Variants in DLC1 observed in about 807,000 individuals in gnomAD.
The protein encoded by DLC1 is DLC1 Rho GTPase activating protein, also known as rho GTPase-activating protein 7.
DLC1 carries 54 observed loss-of-function variants against 140.3 expected under a neutral mutation model. That is an observed-to-expected ratio of 0.38 (90% CI 0.31 to 0.48). DLC1 has a LOEUF of 0.48. Among genes scored for constraint, DLC1 ranks in the 20% least tolerant of loss-of-function variants. The probability of loss-of-function intolerance (pLI) is 0.96; values close to 1 mark genes in which losing one functional copy is unlikely to be tolerated. For missense variants in DLC1, 2,536 were observed against 1,907.0 expected, an observed-to-expected ratio of 1.33 and a Z score of -6.14; for synonymous variants, 986 against 728.1, an observed-to-expected ratio of 1.35 and a Z score of -5.70.
At chr8:13,328,541 G>A (rs145427418) in intron 4 of DLC1, among the ~76,000 whole-genome samples, 4 of 152,276 alleles carry the variant, frequency 2.6e-5, no homozygotes, top group Admixed American at 1.3e-4. Context: ...ATTTGTTTTT[G>A]GAGAAGCTCA....
intron 2 of DLC1, among the ~76,000 whole-genome samples, chr8:13,420,362 A>G (rs79574881): frequency 0.026 from 3,979 of 152,194 alleles, 80 homozygotes; most frequent in South Asian, 0.074. Flanking sequence ...ACGCTACAGT[A>G]ATTAAGTTCA....
chr8:13,549,756 C>A (rs186002510), intron 1 of DLC1, among the ~76,000 whole-genome samples: 16 of 152,076 alleles, frequency 1.1e-4, no homozygotes, highest in Non-Finnish European at 8.8e-5. Context: ...GGTGTTACTG[C>A]CAAAAAAGAC....
chr8:13,379,639 T>C (rs1212991173), intron 4 of DLC1, among the ~76,000 whole-genome samples: 1 of 152,154 alleles, frequency 6.6e-6, no homozygotes, highest in Admixed American at 6.5e-5. Flanking sequence ...AATCCATCCT[T>C]ATTTTATTTT....
chr8:13,165,960 A>G (rs1481874029), intron 5 of DLC1, among the ~76,000 whole-genome samples: 2 of 152,268 alleles, frequency 1.3e-5, no homozygotes, highest in East Asian at 1.9e-4. Flanking sequence ...TCCTAGGGGT[A>G]CAGTAGTCGA....
At chr8:13,102,731 A>G (rs1411509833) in intron 8 of DLC1, 59 bp downstream of exon 8, 9 of 1,436,968 alleles carry the variant, frequency 6.3e-6, no homozygotes, top group Non-Finnish European at 2.0e-6. Flanking sequence ...AAAACACATC[A>G]TTCACTTTTT....
At chr8:13,572,911 T>C (rs375321009) in intron 1 of DLC1, among the ~76,000 whole-genome samples, 4 of 152,208 alleles carry the variant, frequency 2.6e-5, no homozygotes, top group East Asian at 1.9e-4. Context: ...TCATGAAACA[T>C]GGAATCTCTA....
intron 4 of DLC1, among the ~76,000 whole-genome samples, chr8:13,332,405 A>G (rs1297137879): frequency 1.3e-5 from 2 of 150,544 alleles, no homozygotes; most frequent in South Asian, 2.1e-4. Context: ...GAAACACTGA[A>G]TGTTCACTAT....
intron 5 of DLC1, among the ~76,000 whole-genome samples, chr8:13,279,999 G>A (rs1831309122): frequency 6.6e-6 from 1 of 151,968 alleles, no homozygotes; most frequent in African/African-American, 2.4e-5. Context: ...GTGAGAATAG[G>A]CTGGGTGCGG....
At chr8:13,593,523 G>C (rs1805588242) in intron 1 of DLC1, among the ~76,000 whole-genome samples, 1 of 152,074 alleles carries the variant, frequency 6.6e-6, no homozygotes, top group Admixed American at 6.6e-5. Context: ...GCCAGTTCTA[G>C]GTAACCTGGA....
At chr8:13,442,394 A>G (rs549247072) in intron 2 of DLC1, among the ~76,000 whole-genome samples, 1 of 152,296 alleles carries the variant, frequency 6.6e-6, no homozygotes, top group South Asian at 2.1e-4. Context: ...CAGCAAAAGA[A>G]ACTACCATCA....
Position 13,092,810 on chromosome 8 carries a change from T to C in DLC1, c.3542A>G (p.Gln1181Arg). ...LQIYQYVPKD[Q>R]RLQAIKAAIM... ...GGCAGCCTTGATGGCCTGCAGGCGC[T>C]GGTCCTTGGGCACATCTGCACGACA... The change falls in exon 13 of 18, where the codon CAG becomes CGG. Residue 1181 changes from glutamine to arginine, a missense_variant. By Grantham distance (43) the Gln-to-Arg change is conservative. Coordinates refer to ENST00000276297, the MANE Select transcript of DLC1 (RefSeq NM_182643.3). The C allele has an allele frequency of 6.2e-7, 1 of 1,613,704 alleles. No individual in the cohort carries two copies. Among genetic ancestry groups the C allele is most frequent in the Non-Finnish European group, 8.5e-7 (1 of 1,179,804 alleles).
intron 2 of DLC1, among the ~76,000 whole-genome samples, chr8:13,464,465 T>A (rs1002699629): frequency 1.3e-5 from 2 of 151,732 alleles, no homozygotes; most frequent in Admixed American, 1.3e-4. Context: ...CGCAATCACA[T>A]TTGTTATCAC....
intron 1 of DLC1, among the ~76,000 whole-genome samples, chr8:13,556,275 T>A (rs1231139349): frequency 6.6e-6 from 1 of 152,152 alleles, no homozygotes; most frequent in East Asian, 1.9e-4. Context: ...CAGATGCCAA[T>A]GTCCCTGGTC....
At chr8:13,406,198 T>TTTTTTTTTTTC (rs564377892) in intron 2 of DLC1, among the ~76,000 whole-genome samples, 1 of 142,576 alleles carries the variant, frequency 7.0e-6, no homozygotes, top group Admixed American at 7.3e-5. Flanking sequence ...TTTTTTTTTT[T>TTTTTTTTTTTC]CAGTGGAGAC....
chr8:13,277,288 G>A (rs929873368), intron 5 of DLC1, among the ~76,000 whole-genome samples: 1 of 152,156 alleles, frequency 6.6e-6, no homozygotes, highest in Non-Finnish European at 1.5e-5. Flanking sequence ...TCTCCAGCCT[G>A]GGGGACAGAG....
At chr8:13,271,216 T>C (rs1309029416) in intron 5 of DLC1, among the ~76,000 whole-genome samples, 2 of 152,258 alleles carry the variant, frequency 1.3e-5, no homozygotes, top group African/African-American at 4.8e-5. Context: ...TGGTGTTGCC[T>C]ATGATTGGAA....
At chr8:13,497,175 C>T (rs1340646344) in intron 2 of DLC1, among the ~76,000 whole-genome samples, 1 of 152,110 alleles carries the variant, frequency 6.6e-6, no homozygotes, top group Non-Finnish European at 1.5e-5. Context: ...GTGATGAACA[C>T]CTCTGTACAT....
intron 4 of DLC1, among the ~76,000 whole-genome samples, chr8:13,335,593 T>G (rs1044026222): frequency 1.3e-5 from 2 of 152,182 alleles, no homozygotes; most frequent in Non-Finnish European, 2.9e-5. Flanking sequence ...ATCCTCATTT[T>G]CCTCATGGTA....
At chr8:13,355,801 T>A (rs1456264038) in intron 4 of DLC1, among the ~76,000 whole-genome samples, 1 of 151,996 alleles carries the variant, frequency 6.6e-6, no homozygotes, top group Non-Finnish European at 1.5e-5. Context: ...AATCTTATTT[T>A]TGGCTCAGCA....
Sources: gnomAD v4.1 joint callset for allele counts (sites outside exome capture counted in the v4.1 genomes callset) on GRCh38, gnomAD v4.1.1 for gene constraint, MANE v1.5 for transcripts, NCBI Gene and HGNC (gene_info 2026-07-23, HGNC 2026-07-21) for gene names.